DCC: variants seen among roughly 807,000 people sequenced by gnomAD.
The protein encoded by DCC is netrin receptor DCC.
Under a neutral mutation model 172.5 loss-of-function variants are expected in DCC, and 58 were observed. The observed-to-expected ratio is 0.34, with a 90% CI of 0.27 to 0.42. DCC has a LOEUF of 0.42. Among genes scored for constraint, DCC ranks in the 10% least tolerant of loss-of-function variants. The probability of loss-of-function intolerance (pLI) is 1.00; values close to 1 mark genes in which losing one functional copy is unlikely to be tolerated. For missense variants in DCC, 1,740 were observed against 1,791.0 expected (o/e 0.97, Z 0.51); for synonymous variants, 709 against 644.5 (o/e 1.10, Z -1.52).
chr18:52,980,310 T>C (rs1199716519), intron 5 of DCC, among the ~76,000 whole-genome samples: 3 of 152,130 alleles, frequency 2.0e-5, no homozygotes, highest in Non-Finnish European at 4.4e-5. Flanking sequence ...ATTCAGGTAG[T>C]TGTTTGTTTT....
chr18:53,344,152 C>A (rs922457105), intron 15 of DCC, among the ~76,000 whole-genome samples: 2 of 151,978 alleles, frequency 1.3e-5, no homozygotes, highest in African/African-American at 4.8e-5. Flanking sequence ...CTACTTCCCT[C>A]CTGATACTTA....
At chr18:52,566,639 A>T (rs940791407) in intron 1 of DCC, among the ~76,000 whole-genome samples, 32 of 152,280 alleles carry the variant, frequency 2.1e-4, no homozygotes, top group African/African-American at 7.7e-4. Context: ...TTAAAATTTT[A>T]AATTTAAAAA....
In DCC at chr18:52,925,225, G is replaced by A. The variant is rs530376702; in HGVS notation, c.849-9G>A. 6.2e-7 allele frequency: 1 copy of A among 1,611,332 alleles called. No homozygotes were observed. The highest frequency in any genetic ancestry group is 8.5e-7 in the Non-Finnish European group (1 of 1,177,994). Reference sequence around the variant, plus strand: ...TTAATTTACTCTGCACCTTCCCTATGTCTTGCAGGTCTAAAAAGTATTCTT... The same window carrying A: ...TTAATTTACTCTGCACCTTCCCTATATCTTGCAGGTCTAAAAAGTATTCTT... On this transcript the variant is annotated splice_polypyrimidine_tract_variant and intron_variant, in intron 4 of 28. Transcript: ENST00000442544.
intron 12 of DCC, among the ~76,000 whole-genome samples, chr18:53,258,720 T>A (rs2056554975): frequency 6.6e-6 from 1 of 152,228 alleles, no homozygotes. Context: ...TGTAGATGTC[T>A]ATTAGGTCCA....
chr18:53,327,790 A>C (rs2057483789), intron 14 of DCC, among the ~76,000 whole-genome samples: 1 of 152,226 alleles, frequency 6.6e-6, no homozygotes, highest in Admixed American at 6.5e-5. Flanking sequence ...CTTGATGCTC[A>C]TATGGGATTT....
At chr18:52,837,188 C>T (rs1029050726) in intron 2 of DCC, among the ~76,000 whole-genome samples, 1 of 152,178 alleles carries the variant, frequency 6.6e-6, no homozygotes, top group Admixed American at 6.5e-5. Flanking sequence ...TCCTAGGCCT[C>T]CAAGCCTGTG....
chr18:53,177,710 A>G (rs73461514), intron 8 of DCC, among the ~76,000 whole-genome samples: 2,744 of 152,304 alleles, frequency 0.018, 70 homozygotes, highest in African/African-American at 0.055. Context: ...GCCTGGAATC[A>G]GCACACATCA....
At chr18:52,607,702 A>G (rs1021952782) in intron 1 of DCC, among the ~76,000 whole-genome samples, 6 of 152,202 alleles carry the variant, frequency 3.9e-5, no homozygotes, top group African/African-American at 1.4e-4. Flanking sequence ...AAAGAGTACA[A>G]AAATATCCAT....
intron 5 of DCC, among the ~76,000 whole-genome samples, chr18:53,035,558 A>G (rs890015318): frequency 7.9e-5 from 12 of 152,234 alleles, no homozygotes; most frequent in African/African-American, 2.6e-4. Flanking sequence ...ATAAAGGTTA[A>G]TGTGAAAACT....
intron 1 of DCC, among the ~76,000 whole-genome samples, chr18:52,701,946 T>C (rs1205106559): frequency 6.6e-6 from 1 of 152,170 alleles, no homozygotes; most frequent in African/African-American, 2.4e-5. Context: ...ATCCTGTCCT[T>C]AGGTAAAAAA....
chr18:52,395,622 A>G (rs1366975571), intron 1 of DCC, among the ~76,000 whole-genome samples: 1 of 152,052 alleles, frequency 6.6e-6, no homozygotes, highest in Non-Finnish European at 1.5e-5. Flanking sequence ...AGCAGATATG[A>G]AGTCCAGCTG....
At chr18:53,123,331 A>T (rs1443407659) in intron 7 of DCC, among the ~76,000 whole-genome samples, 2 of 152,026 alleles carry the variant, frequency 1.3e-5, no homozygotes, top group African/African-American at 2.4e-5. Context: ...AAACTGGGGA[A>T]CAATATAGAC....
At chr18:53,189,851 C>A (rs1004176867) in intron 9 of DCC, among the ~76,000 whole-genome samples, 1 of 152,210 alleles carries the variant, frequency 6.6e-6, no homozygotes, top group Non-Finnish European at 1.5e-5. Flanking sequence ...GCTTGGATTT[C>A]TACTGTTTGA....
At chr18:52,645,643 T>C (rs1487086735) in intron 1 of DCC, among the ~76,000 whole-genome samples, 1 of 152,066 alleles carries the variant, frequency 6.6e-6, no homozygotes, top group East Asian at 1.9e-4. Flanking sequence ...TCATAAAGAA[T>C]AAAAACAAAA....
chr18:53,004,124 T>C (rs894313368), intron 5 of DCC, among the ~76,000 whole-genome samples: 7 of 152,172 alleles, frequency 4.6e-5, no homozygotes, highest in Non-Finnish European at 7.4e-5. Flanking sequence ...TTTAGAAATG[T>C]GTTTGGTTCC....
intron 10 of DCC, among the ~76,000 whole-genome samples, chr18:53,206,745 A>G (rs190681303): frequency 1.3e-3 from 200 of 150,358 alleles, no homozygotes; most frequent in South Asian, 9.2e-3. Flanking sequence ...ATATACAGAC[A>G]TGTATATATT....
intron 13 of DCC, among the ~76,000 whole-genome samples, chr18:53,318,752 G>GGTTTTTT (rs1555651814): frequency 1.5e-5 from 2 of 132,160 alleles, no homozygotes; most frequent in African/African-American, 3.0e-5. Context: ...TCTTCGTTGG[G>GGTTTTTT]TTTTTTTTTT....
intron 2 of DCC, among the ~76,000 whole-genome samples, chr18:52,826,534 G>C (rs1277592318): frequency 1.3e-5 from 2 of 152,032 alleles, no homozygotes; most frequent in African/African-American, 4.8e-5. Flanking sequence ...GGGCTGGAGT[G>C]CAGTAGTGGG....
At chr18:52,790,718 C>G (rs898580295) in intron 2 of DCC, among the ~76,000 whole-genome samples, 8 of 152,308 alleles carry the variant, frequency 5.3e-5, no homozygotes, top group Admixed American at 1.3e-4. Flanking sequence ...CCGATTTTCT[C>G]TTTTCCCTTT....
Sources: allele counts gnomAD v4.1 joint callset (sites outside exome capture counted in the v4.1 genomes callset), GRCh38; gene constraint gnomAD v4.1.1; transcripts MANE v1.5; gene names NCBI Gene and HGNC (gene_info 2026-07-23, HGNC 2026-07-21).